TAOK3: variants seen among roughly 807,000 people sequenced by gnomAD.
TAOK3 encodes TAO kinase 3.
Under a neutral mutation model 120.4 loss-of-function variants are expected in TAOK3, and 40 were observed. The ratio of observed to expected loss-of-function variants is 0.33; its 90% CI spans 0.26 to 0.43. The LOEUF (loss-of-function observed/expected upper bound fraction) is 0.43, where lower values mean the gene tolerates loss of function less well. Ranked by LOEUF, TAOK3 falls within the 20% of genes least tolerant of loss-of-function variation. TAOK3 has a pLI of 1.00. For synonymous variants in TAOK3, 355 were observed against 387.5 expected (o/e 0.92, Z 0.99); for missense variants, 821 against 1,112.1 (o/e 0.74, Z 3.72).
intron 1 of TAOK3, among the ~76,000 whole-genome samples, chr12:118,301,841 C>CAAA (rs777882071): frequency 0.013 from 867 of 68,926 alleles, 18 homozygotes; most frequent in African/African-American, 0.044. Context: ...GACTCCATCT[C>CAAA]AAAAAAAAAA....
intron 9 of TAOK3, among the ~76,000 whole-genome samples, chr12:118,217,467 C>T (rs2038962481): frequency 6.6e-6 from 1 of 151,958 alleles, no homozygotes; most frequent in Non-Finnish European, 1.5e-5. Flanking sequence ...GGGCAGATCA[C>T]CTGAGGTCAG....
At chr12:118,199,381 C>T (rs1363211275) in intron 12 of TAOK3, 124 bp from the exon 13 acceptor site, 6 of 724,520 alleles carry the variant, frequency 8.3e-6, no homozygotes, top group Non-Finnish European at 1.2e-5. Flanking sequence ...TCTGCAAAGA[C>T]AAACTTTTTA....
At position 118,212,975 on chromosome 12, in the gene TAOK3, A is replaced by G; in HGVS notation, c.758T>C (p.Phe253Ser). Residue 253 changes from phenylalanine (F) to serine (S), a missense_variant, in exon 11 of 21, where the codon TTT becomes TCT. By Grantham distance (155) the Phe-to-Ser change is radical. This residue lies in a region of TAOK3 where 467 missense variants were observed against 540.0 expected (regional missense o/e 0.86). Transcript: ENST00000392533. The part of the protein sequence containing the change: ...SNEWTDSFRR[F>S]VDYCLQKIPQ... ...TATTTTCTGCAAGCAGTAATCAACA[A>G]ATCTCCTAAAGGAGTCTGTCCTGTG... The G allele has an allele frequency of 6.2e-7, 1 of 1,612,782 alleles. No homozygotes were observed. Among genetic ancestry groups the G allele is most frequent in the Non-Finnish European group, 8.5e-7 (1 of 1,179,530 alleles).
chr12:118,250,581 A>G (rs978163621), intron 3 of TAOK3, among the ~76,000 whole-genome samples: 1 of 152,198 alleles, frequency 6.6e-6, no homozygotes, highest in African/African-American at 2.4e-5. Context: ...AGAGTTCTTC[A>G]TCATTCATTC....
intron 16 of TAOK3, 42 bp downstream of exon 16, chr12:118,177,159 T>C (rs1330187116): frequency 1.9e-6 from 3 of 1,601,526 alleles, no homozygotes. Flanking sequence ...GTTCCAACCA[T>C]TCTAATGGCA....
chr12:118,150,704 T>A lies in TAOK3; in HGVS notation c.*293A>T, dbSNP rs2034329695. ...TGGTTTATTGGTTTTGTTAAAACTG[T>A]CTCCAAAGTTTTCACTGAAACATTT... On this transcript the variant is annotated 3_prime_UTR_variant, in exon 21 of 21. Transcript: ENST00000392533. 3.9e-6 allele frequency: 1 copy of A among 259,722 alleles called. No individual in the cohort carries two copies. The highest frequency in any genetic ancestry group is 7.3e-6 in the Non-Finnish European group (1 of 137,422). 16.1% of individuals were successfully genotyped at this position (259,722 alleles called of 1,614,324 possible).
At chr12:118,359,867 G>A (rs896357744) in intron 1 of TAOK3, 6 of 152,128 alleles carry the variant, frequency 3.9e-5, no homozygotes, top group Non-Finnish European at 7.3e-5. Flanking sequence ...AATACCGAGA[G>A]ACACCCAAAC....
chr12:118,182,613 ATATATATATATT>A (rs1424782797), intron 14 of TAOK3, among the ~76,000 whole-genome samples: 2 of 85,070 alleles, frequency 2.4e-5, no homozygotes, highest in South Asian at 7.5e-4. Flanking sequence ...ATATATATAT[ATATATATATATT>A]TTTTTTTTTT....
At chr12:118,367,911 A>T (rs2045785200) in intron 1 of TAOK3, among the ~76,000 whole-genome samples, 2 of 152,162 alleles carry the variant, frequency 1.3e-5, no homozygotes, top group African/African-American at 4.8e-5. Context: ...TATGCTACTG[A>T]TAGCAACAAA....
chr12:118,289,383 T>C (rs1026425613), intron 1 of TAOK3, among the ~76,000 whole-genome samples: 10 of 152,050 alleles, frequency 6.6e-5, no homozygotes, highest in Middle Eastern at 6.8e-3. Flanking sequence ...TCCTTTTCCT[T>C]CCAAAAATAC....
At chr12:118,217,724 C>T (rs2038977369) in intron 9 of TAOK3, among the ~76,000 whole-genome samples, 1 of 146,628 alleles carries the variant, frequency 6.8e-6, no homozygotes, top group African/African-American at 2.5e-5. Context: ...ATATAGTAGT[C>T]TCTCTCTATA....
intron 1 of TAOK3, among the ~76,000 whole-genome samples, chr12:118,354,155 T>C (rs1169113698): frequency 6.6e-6 from 1 of 152,228 alleles, no homozygotes; most frequent in Admixed American, 6.5e-5. Flanking sequence ...AAACCATAGA[T>C]AGTATGGAAC....
At chr12:118,200,798 A>T (rs1050628963) in intron 12 of TAOK3, 3 of 152,458 alleles carry the variant, frequency 2.0e-5, no homozygotes, top group Admixed American at 2.0e-4. Flanking sequence ...ACTGTCAATG[A>T]GAAGCCATGG....
intron 16 of TAOK3, among the ~76,000 whole-genome samples, chr12:118,175,500 G>A (rs895938889): frequency 2.6e-5 from 4 of 152,096 alleles, no homozygotes; most frequent in Admixed American, 6.6e-5. Flanking sequence ...GGTGGTGCAC[G>A]CCTGTAATCT....
intron 1 of TAOK3, among the ~76,000 whole-genome samples, chr12:118,362,819 A>G (rs900448747): frequency 2.0e-5 from 3 of 152,128 alleles, no homozygotes; most frequent in African/African-American, 7.2e-5. Flanking sequence ...GGAGTTCGAG[A>G]CCAGCCTGCC....
intron 8 of TAOK3, among the ~76,000 whole-genome samples, chr12:118,234,826 T>C (rs548184045): frequency 6.6e-6 from 1 of 152,334 alleles, no homozygotes; most frequent in Non-Finnish European, 1.5e-5. Flanking sequence ...TAGTAATGGA[T>C]GTTACTTTAC....
intron 1 of TAOK3, among the ~76,000 whole-genome samples, chr12:118,325,756 T>C (rs1230776538): frequency 6.6e-6 from 1 of 152,194 alleles, no homozygotes; most frequent in Non-Finnish European, 1.5e-5. Context: ...CTCGGCTCAC[T>C]GCAACGTCTG....
chr12:118,158,135 C>T (rs935986623), intron 19 of TAOK3, among the ~76,000 whole-genome samples: 2 of 152,180 alleles, frequency 1.3e-5, no homozygotes, highest in African/African-American at 4.8e-5. Flanking sequence ...GTTAGAAACT[C>T]CTGCTCTGGC....
chr12:118,372,002 T>C lies in TAOK3; in HGVS notation c.-194+646A>G, dbSNP rs1405447143. Among the ~76,000 whole-genome samples, 5 of 149,868 alleles carry C rather than the reference T, an allele frequency of 3.3e-5. No individual in the cohort carries two copies. Among genetic ancestry groups the C allele is most frequent in the African/African-American group, 7.4e-5 (3 of 40,482 alleles). ...GCCCCGCTGTCTCAGCCCAGCCCCC[T>C]TCCGGGACCCCTCCTCTTCTCCCAC... On this transcript the variant is annotated intron_variant, in intron 1 of 20. Coordinates refer to ENST00000392533, the MANE Select transcript of TAOK3 (RefSeq NM_016281.4). This position sits in a 1 kb window ranked among gnomAD's most constrained non-coding sequence, Gnocchi z 4.6.
Sources: allele counts gnomAD v4.1 joint callset (sites outside exome capture counted in the v4.1 genomes callset), GRCh38; gene constraint gnomAD v4.1.1; regional missense constraint gnomAD v4.1.1; non-coding constraint Gnocchi (gnomAD v3.1); transcripts MANE v1.5; gene names NCBI Gene and HGNC (gene_info 2026-07-23, HGNC 2026-07-21).